The following ISL2 variants were observed in gnomAD, a reference collection of about 807,000 sequenced individuals.
ISL2 encodes insulin gene enhancer protein ISL-2.
Under a neutral mutation model 34.6 loss-of-function variants are expected in ISL2, and 17 were observed. That is an observed-to-expected ratio of 0.49 (90% CI 0.34 to 0.74). The LOEUF (loss-of-function observed/expected upper bound fraction) is 0.74, where lower values mean the gene tolerates loss of function less well. Ranked by LOEUF, ISL2 falls within the 30% of genes least tolerant of loss-of-function variation. The pLI is 0.01. For missense variants in ISL2, 469 were observed against 515.2 expected (o/e 0.91, Z 0.87); for synonymous variants, 232 against 225.5 (o/e 1.03, Z -0.26).
intron 3 of ISL2, chr15:76,338,871 ATG>A: frequency 3.0e-6 from 3 of 985,336 alleles, no homozygotes; most frequent in Non-Finnish European, 3.6e-6. Context: ...TTGGAGGAAT[ATG>A]TGTTATTGTC....
intron 4 of ISL2, 53 bp downstream of exon 4, chr15:76,340,612 C>T: frequency 9.7e-6 from 15 of 1,545,736 alleles, no homozygotes; most frequent in Admixed American, 7.2e-5. Context: ...GCGCTTCCGC[C>T]GCGGTATCTG....
chr15:76,337,785 C>T lies in ISL2; in HGVS notation c.66C>T (p.Pro22=), dbSNP rs769228855. 79 of 1,590,426 alleles carry T rather than the reference C, an allele frequency of 5.0e-5. No homozygotes were observed. Among genetic ancestry groups the T allele is most frequent in the South Asian group, 1.7e-4 (15 of 88,846 alleles). The change falls in exon 2 of 6, where the codon CCC becomes CCT. Residue 22 remains proline, a synonymous_variant. Coordinates refer to ENST00000290759, the MANE Select transcript of ISL2 (RefSeq NM_145805.3). The part of the protein sequence containing the change: ...GAMGDHSKKK[P]GTAMCVGCGS... ...CGCGCCCTTCCCCGGCAGAGAAGCC[C>T]GGGACGGCCATGTGCGTGGGCTGCG...
chr15:76,341,763 CGACGT>C lies in ISL2; in HGVS notation c.1012_1016del (p.Val338LeufsTer156). 6.2e-7 allele frequency: 1 copy of C among 1,614,010 alleles called. No homozygotes were observed. Among genetic ancestry groups the C allele is most frequent in the Non-Finnish European group, 8.5e-7 (1 of 1,180,000 alleles). On this transcript the variant is annotated frameshift_variant, in exon 6 of 6. Coordinates refer to ENST00000290759, the MANE Select transcript of ISL2 (RefSeq NM_145805.3). LOFTEE classifies it high-confidence loss of function. ...GCTCCCTAGGCAACTCCTCCGGCAGCGACGTGACCTCCCTGTCCTCGCAGCTCCCG... is the reference window on the plus strand; with the variant it reads ...GCTCCCTAGGCAACTCCTCCGGCAGCGACCTCCCTGTCCTCGCAGCTCCCG...
chr15:76,341,815 C>T lies in ISL2; in HGVS notation c.1060C>T (p.Pro354Ser). Residue 354 changes from proline to serine, a missense_variant, in exon 6 of 6, where the codon CCG becomes TCG. By Grantham distance (74) the Pro-to-Ser change is moderately conservative. This residue lies in a region of ISL2 where 169 missense variants were observed against 154.2 expected (regional missense o/e 1.10). Coordinates refer to ENST00000290759, the MANE Select transcript of ISL2 (RefSeq NM_145805.3). ...QLPDTPNSMV[P>S]SPVET ...CCCGGACACCCCCAACAGTATGGTG[C>T]CGAGTCCCGTGGAGACGTGAGGGGG... 2 of 1,613,340 alleles carry T rather than the reference C, an allele frequency of 1.2e-6. No individual in the cohort carries two copies. The highest frequency in any genetic ancestry group is 1.7e-6 in the Non-Finnish European group (2 of 1,179,666).
At chr15:76,338,022 A>C (rs2040165240) in intron 2 of ISL2, 55 bp downstream of exon 2, 2 of 1,421,940 alleles carry the variant, frequency 1.4e-6, no homozygotes, top group South Asian at 3.0e-5. Flanking sequence ...CGGGGCCGGG[A>C]CTGGGGATGG....
At chr15:76,340,253 C>T (rs1305761952) in intron 3 of ISL2, 23 bp from the exon 4 acceptor site, 43 of 1,567,962 alleles carry the variant, frequency 2.7e-5, no homozygotes, top group Non-Finnish European at 3.7e-5. Flanking sequence ...TCGCTAACCT[C>T]TGGCCTCACC....
intron 1 of ISL2, 95 bp from the exon 2 acceptor site, chr15:76,337,683 A>C: frequency 1.8e-6 from 2 of 1,106,040 alleles, no homozygotes; most frequent in Non-Finnish European, 2.5e-6. Flanking sequence ...AGAAAGAGCA[A>C]GAGAGCGAGC....
In ISL2 at chr15:76,340,436, G is replaced by T. The variant is rs746409773; in HGVS notation, c.672G>T (p.Leu224=). The change falls in exon 4 of 6, where the codon CTG becomes CTT. Residue 224 remains leucine (L), a synonymous_variant. Transcript: ENST00000290759. ...CCGACGCTCTCATGAAGGAGCAGCT[G>T]GTGGAGATGACCGGCCTGAGCCCGC... ...PRPDALMKEQ[L]VEMTGLSPRV... The T allele has an allele frequency of 1.3e-5, 21 of 1,613,756 alleles. No homozygotes were observed. The highest frequency in any genetic ancestry group is 1.8e-5 in the Non-Finnish European group (21 of 1,180,012).
chr15:76,340,562 G>A lies in ISL2; in HGVS notation c.795+3G>A, dbSNP rs372898179. 35 of 1,602,482 alleles carry A rather than the reference G, an allele frequency of 2.2e-5. No individual in the cohort carries two copies. Among genetic ancestry groups the A allele is most frequent in the Non-Finnish European group, 2.7e-5 (32 of 1,172,210 alleles). On this transcript the variant is annotated splice_donor_region_variant and intron_variant, in intron 4 of 5. Coordinates refer to ENST00000290759, the MANE Select transcript of ISL2 (RefSeq NM_145805.3). ...AGCAGCAGCACAGCGACAAGACGGT[G>A]AGCAGCCGCTGGGCCGGAGGCTCGA...
Position 76,338,333 on chromosome 15 carries a change from C to T in ISL2, c.330C>T (p.Tyr110=), listed in dbSNP as rs754640876. ...TGATGAGGGCGCGGGACAGCGTGTA[C>T]CACATCGAGTGCTTCCGCTGCTCCG... ...DLVMRARDSV[Y]HIECFRCSVC... is the part of the protein sequence containing the mutation. The change falls in exon 3 of 6, where the codon TAC becomes TAT. Residue 110 remains tyrosine (Y), a synonymous_variant. Transcript: ENST00000290759. 1.3e-6 allele frequency: 2 copies of T among 1,577,924 alleles called. No individual in the cohort carries two copies. The highest frequency in any genetic ancestry group is 2.3e-5 in the South Asian group (2 of 87,784).
At chr15:76,339,322 G>A in intron 3 of ISL2, 1 of 984,136 alleles carries the variant, frequency 1.0e-6, no homozygotes, top group Non-Finnish European at 1.2e-6. Context: ...GAGGAAACTG[G>A]GCTGGATGGG....
intron 3 of ISL2, chr15:76,339,338 T>A (rs955512523): frequency 1.0e-6 from 1 of 984,764 alleles, no homozygotes; most frequent in African/African-American, 1.7e-5. Flanking sequence ...ATGGGCTATT[T>A]GTAAATATTT....
intron 2 of ISL2, 34 bp downstream of exon 2, chr15:76,338,001 C>G: frequency 6.6e-7 from 1 of 1,520,940 alleles, no homozygotes; most frequent in South Asian, 1.2e-5. Flanking sequence ...TGGGCCACCG[C>G]GCGCAGGGGC....
chr15:76,339,928 C>T, intron 3 of ISL2: 2 of 1,104,466 alleles, frequency 1.8e-6, no homozygotes, highest in Non-Finnish European at 2.2e-6. Context: ...ACTCCGACTT[C>T]TTCCGGAGGG....
At position 76,336,807 on chromosome 15, in the gene ISL2, C is replaced by A; in HGVS notation, c.-77C>A. 7.6e-7 allele frequency: 1 copy of A among 1,320,946 alleles called. No homozygotes were observed. The highest frequency in any genetic ancestry group is 1.1e-6 in the Non-Finnish European group (1 of 914,558). The allele number at this position is 1,320,946 out of a possible 1,614,324, so 81.8% of individuals were successfully genotyped here. ...CCGCGGGGCAGTAGGAGTTAGTTAG[C>A]AAAGAGCCGAGGCCGGGCGCGCGAC... On this transcript the variant is annotated 5_prime_UTR_variant, in exon 1 of 6. Coordinates refer to ENST00000290759, the MANE Select transcript of ISL2 (RefSeq NM_145805.3).
Position 76,342,007 on chromosome 15 carries a change from A to G in ISL2, c.*172A>G, listed in dbSNP as rs1302981899. The G allele has an allele frequency of 8.4e-6, 5 of 592,058 alleles. No homozygotes were observed. Among genetic ancestry groups the G allele is most frequent in the Non-Finnish European group, 1.5e-5 (5 of 330,682 alleles). 36.7% of individuals were successfully genotyped at this position (592,058 alleles called of 1,614,324 possible). On this transcript the variant is annotated 3_prime_UTR_variant, in exon 6 of 6. Coordinates refer to ENST00000290759, the MANE Select transcript of ISL2 (RefSeq NM_145805.3). ...GGACAGCCCAAGGCGCCAGGATGCAACCTGCTTTCACCAGACTGCAGACCC... is the reference window on the plus strand; with the variant it reads ...GGACAGCCCAAGGCGCCAGGATGCAGCCTGCTTTCACCAGACTGCAGACCC...
At chr15:76,340,098 G>A (rs927014991) in intron 3 of ISL2, 178 bp from the exon 4 acceptor site, 3 of 1,416,584 alleles carry the variant, frequency 2.1e-6, no homozygotes, top group Non-Finnish European at 2.8e-6. Flanking sequence ...GAACGAAAAT[G>A]CACAGCTCTC....
rs1177603101 is a variant in ISL2 at position 76,339,890 on chromosome 15, G to A, written c.512-386G>A. The A allele has an allele frequency of 5.7e-6, 6 of 1,052,600 alleles. No homozygotes were observed. The South Asian group carries it at 1.7e-4, about 30-fold the overall frequency. The allele number at this position is 1,052,600 out of a possible 1,614,324, so 65.2% of individuals were successfully genotyped here. ...GGTCCCTTTCCCTCTCCAGAGTCCT[G>A]GGCAAGCCTCTTTCCTCTTCCTCTG... On this transcript the variant is annotated intron_variant, in intron 3 of 5. Coordinates refer to ENST00000290759, the MANE Select transcript of ISL2 (RefSeq NM_145805.3).
chr15:76,341,615 C>T (rs1309293540), intron 5 of ISL2, 104 bp from the exon 6 acceptor site: 6 of 886,974 alleles, frequency 6.8e-6, no homozygotes, highest in Non-Finnish European at 1.1e-5. Flanking sequence ...TCTCAGCTGG[C>T]GGCCGGTCCC....
Sources: gnomAD v4.1 joint callset for allele counts on GRCh38, gnomAD v4.1.1 for gene constraint, gnomAD v4.1.1 regional missense constraint, MANE v1.5 for transcripts, NCBI Gene and HGNC (gene_info 2026-07-23, HGNC 2026-07-21) for gene names.